VRK3: variants seen among roughly 807,000 people sequenced by gnomAD.
The protein encoded by VRK3 is VRK serine/threonine kinase 3.
VRK3 carries 50 observed loss-of-function variants against 60.4 expected under a neutral mutation model. The ratio of observed to expected loss-of-function variants is 0.83; its 90% CI spans 0.66 to 1.05. The LOEUF is 1.05. VRK3 is among the 50% of genes least tolerant of loss of function. VRK3 has a pLI of 0.00. For synonymous variants in VRK3, 246 were observed against 227.8 expected (o/e 1.08, Z -0.72); for missense variants, 549 against 585.3 (o/e 0.94, Z 0.64).
intron 12 of VRK3, among the ~76,000 whole-genome samples, chr19:49,981,419 C>T (rs1199947072): frequency 6.6e-6 from 1 of 152,124 alleles, no homozygotes; most frequent in African/African-American, 2.4e-5. Flanking sequence ...GTGGCGGGTG[C>T]CTGTGGTCCC....
intron 6 of VRK3, chr19:49,999,218 T>A (rs2076758470): frequency 6.6e-6 from 1 of 152,416 alleles, no homozygotes; most frequent in African/African-American, 2.4e-5. Context: ...GTGCTGCTAC[T>A]GGTCATTAGT....
intron 12 of VRK3, chr19:49,981,911 C>G (rs1171564230): frequency 2.3e-6 from 2 of 883,834 alleles, no homozygotes; most frequent in African/African-American, 1.7e-5. Flanking sequence ...CAAGCAGGCT[C>G]GACTTCAGGA....
Position 50,016,181 on chromosome 19 carries a change from C to G in VRK3, c.-1-18G>C, listed in dbSNP as rs772285644. 6.2e-7 allele frequency: 1 copy of G among 1,613,458 alleles called. No individual in the cohort carries two copies. Among genetic ancestry groups the G allele is most frequent in the South Asian group, 1.1e-5 (1 of 91,084 alleles). On this transcript the variant is annotated intron_variant, in intron 2 of 14. Transcript: ENST00000316763. Reference sequence around the variant, plus strand: ...AGATCATGCTACAAAACAGAATGAACAAACACAAAGTGAAACGGGCCAGCT... The same window carrying G: ...AGATCATGCTACAAAACAGAATGAAGAAACACAAAGTGAAACGGGCCAGCT...
At chr19:50,019,674 C>CTTTT (rs568877003) in intron 2 of VRK3, among the ~76,000 whole-genome samples, 16 of 45,016 alleles carry the variant, frequency 3.6e-4, no homozygotes, top group African/African-American at 4.7e-4. Flanking sequence ...CATGCCTGGC[C>CTTTT]TTTTTTTTTT....
chr19:49,977,092 G>A (rs1051427164), intron 14 of VRK3, among the ~76,000 whole-genome samples: 6 of 152,146 alleles, frequency 3.9e-5, no homozygotes, highest in African/African-American at 9.7e-5. Flanking sequence ...GGAAGGCCTC[G>A]GGTCTTGAGA....
At chr19:50,003,650 A>C (rs992355374) in intron 5 of VRK3, among the ~76,000 whole-genome samples, 1 of 152,254 alleles carries the variant, frequency 6.6e-6, no homozygotes, top group African/African-American at 2.4e-5. Context: ...CTGCTCGAAT[A>C]ACCATAACGA....
At chr19:49,987,325 T>G (rs893646767) in intron 12 of VRK3, among the ~76,000 whole-genome samples, 1 of 152,008 alleles carries the variant, frequency 6.6e-6, no homozygotes, top group Admixed American at 6.6e-5. Context: ...CACTTCCCTT[T>G]TGTGTCCCGC....
chr19:49,995,125 C>T, intron 8 of VRK3, 66 bp downstream of exon 8: 1 of 1,546,416 alleles, frequency 6.5e-7, no homozygotes, highest in East Asian at 2.3e-5. Flanking sequence ...CCCAGCCATG[C>T]CTGGAGTCAC....
At chr19:50,005,555 T>C (rs1418273825) in intron 5 of VRK3, among the ~76,000 whole-genome samples, 1 of 149,596 alleles carries the variant, frequency 6.7e-6, no homozygotes, top group South Asian at 2.1e-4. Flanking sequence ...CCTCTGCCCA[T>C]CAAATAACTT....
intron 13 of VRK3, among the ~76,000 whole-genome samples, chr19:49,980,695 T>C (rs2076407173): frequency 1.3e-5 from 2 of 151,980 alleles, no homozygotes; most frequent in Non-Finnish European, 2.9e-5. Context: ...CTAGCCTGGA[T>C]GTCAGAGCTA....
rs78268051 is a variant in VRK3 at position 50,018,185 on chromosome 19, G to A, written c.-1-2022C>T. ...CCAGCTCCTATCTGATAGAATGGTCGATGAGGTCTAAATGAATACATTTAT... is the reference window on the plus strand; with the variant it reads ...CCAGCTCCTATCTGATAGAATGGTCAATGAGGTCTAAATGAATACATTTAT... On this transcript the variant is annotated intron_variant, in intron 2 of 14. Coordinates refer to ENST00000316763, the MANE Select transcript of VRK3 (RefSeq NM_016440.4). Among the ~76,000 whole-genome samples the A allele has an allele frequency of 3.4e-3, 521 of 152,304 alleles. 1 individual carries two copies. The highest frequency in any genetic ancestry group is 5.2e-3 in the Non-Finnish European group (353 of 68,030).
rs1201039042 is a variant in VRK3, at chr19:49,992,939, T to A, written c.884A>T (p.Glu295Val). The change falls in exon 10 of 15, where the codon GAG (glutamate) becomes GTG (valine). Residue 295 changes from glutamate to valine, a missense_variant. Transcript: ENST00000316763. ...AACATACTCATTCTCATGGAGGAAC[T>A]CCAGGGCATCCAGCTGGGGGAAGAA... ...QVACRLLDAL[E>V]FLHENEYVHG... 1.9e-6 allele frequency: 3 copies of A among 1,612,244 alleles called. No homozygotes were observed. Among genetic ancestry groups the A allele is most frequent in the Non-Finnish European group, 2.5e-6 (3 of 1,179,998 alleles).
At chr19:49,989,000 C>T (rs1044501568) in intron 11 of VRK3, among the ~76,000 whole-genome samples, 4 of 152,140 alleles carry the variant, frequency 2.6e-5, no homozygotes, top group East Asian at 1.9e-4. Flanking sequence ...CATAAGACAA[C>T]GCTTAATTTA....
intron 1 of VRK3, among the ~76,000 whole-genome samples, chr19:50,021,420 C>G (rs1356460333): frequency 6.6e-6 from 1 of 152,214 alleles, no homozygotes; most frequent in African/African-American, 2.4e-5. Context: ...CTGGCTCGCT[C>G]AGGATGCTCA....
intron 6 of VRK3, chr19:49,998,623 T>A (rs566538672): frequency 6.6e-6 from 1 of 152,270 alleles, no homozygotes; most frequent in African/African-American, 2.4e-5. Flanking sequence ...GCCTCCATTA[T>A]ATGCTGAGTA....
At chr19:50,014,521 G>T (rs1014824558) in intron 3 of VRK3, among the ~76,000 whole-genome samples, 1 of 151,246 alleles carries the variant, frequency 6.6e-6, no homozygotes, top group Non-Finnish European at 1.5e-5. Flanking sequence ...ATGTTGCAGT[G>T]AGCCAAGATT....
At chr19:50,006,683 A>T (rs2076897592) in intron 5 of VRK3, among the ~76,000 whole-genome samples, 1 of 152,152 alleles carries the variant, frequency 6.6e-6, no homozygotes, top group Non-Finnish European at 1.5e-5. Flanking sequence ...CCAATAAAAG[A>T]ATAACTTTTA....
At chr19:50,006,084 G>A (rs376128462) in intron 5 of VRK3, among the ~76,000 whole-genome samples, 1 of 141,626 alleles carries the variant, frequency 7.1e-6, no homozygotes, top group East Asian at 1.9e-4. Context: ...TCAGCTGTTC[G>A]AGACCAGCCT....
chr19:50,016,904 A>AGC, intron 2 of VRK3, among the ~76,000 whole-genome samples: 1 of 152,114 alleles, frequency 6.6e-6, no homozygotes, highest in East Asian at 1.9e-4. Context: ...AACAAAGAGC[A>AGC]ATACGCCGGG....
Sources: allele counts gnomAD v4.1 joint callset (sites outside exome capture counted in the v4.1 genomes callset), GRCh38; gene constraint gnomAD v4.1.1; transcripts MANE v1.5; gene names NCBI Gene and HGNC (gene_info 2026-07-23, HGNC 2026-07-21).